PHYH: variants seen among roughly 807,000 people sequenced by gnomAD.
PHYH encodes the protein phytanoyl-CoA 2-hydroxylase.
Under a neutral mutation model 38.5 loss-of-function variants are expected in PHYH, and 32 were observed. The observed-to-expected ratio is 0.83, with a 90% confidence interval of 0.63 to 1.12. The LOEUF is 1.12. PHYH is among the 50% of genes most tolerant of loss of function. PHYH has a pLI of 0.00. For synonymous variants in PHYH, 166 were observed against 157.9 expected, an observed-to-expected ratio of 1.05 and a Z score of -0.38; for missense variants, 426 against 434.8, an observed-to-expected ratio of 0.98 and a Z score of 0.18.
At chr10:13,282,098 A>G (rs1835426040) in intron 7 of PHYH, among the ~76,000 whole-genome samples, 2 of 152,048 alleles carry the variant, frequency 1.3e-5, no homozygotes, top group African/African-American at 4.8e-5. Flanking sequence ...ATGAAAAAAT[A>G]AAATTAGCCA....
chr10:13,295,466 A>G (rs964140486), intron 3 of PHYH, 30 bp downstream of exon 3: 3 of 1,042,880 alleles, frequency 2.9e-6, no homozygotes, highest in Admixed American at 1.7e-5. Context: ...AATACATACT[A>G]TTGTAAAATA....
intron 6 of PHYH, among the ~76,000 whole-genome samples, chr10:13,286,254 G>A (rs758757378): frequency 2.0e-5 from 3 of 151,988 alleles, no homozygotes; most frequent in Non-Finnish European, 2.9e-5. Flanking sequence ...CCTCTAACGC[G>A]TCCTGCACCA....
intron 7 of PHYH, among the ~76,000 whole-genome samples, chr10:13,281,625 C>T (rs550227762): frequency 1.3e-5 from 2 of 152,260 alleles, no homozygotes; most frequent in South Asian, 2.1e-4. Flanking sequence ...AAAGCCAATA[C>T]CAGTGACATA....
chr10:13,285,605 T>TC (rs1170908709), intron 6 of PHYH, among the ~76,000 whole-genome samples: 4 of 131,600 alleles, frequency 3.0e-5, no homozygotes, highest in African/African-American at 1.1e-4. Context: ...TCTTTTCTTT[T>TC]CTTTTTTTTT....
At chr10:13,283,131 A>ATTTTTTTTTTTT (rs398012850) in intron 7 of PHYH, among the ~76,000 whole-genome samples, 6 of 117,898 alleles carry the variant, frequency 5.1e-5, no homozygotes, top group Non-Finnish European at 4.9e-5. Flanking sequence ...TTCATAATCA[A>ATTTTTTTTTTTT]TTTTTTTTTT....
intron 6 of PHYH, among the ~76,000 whole-genome samples, chr10:13,286,973 C>T (rs1835566827): frequency 6.6e-6 from 1 of 152,120 alleles, no homozygotes; most frequent in African/African-American, 2.4e-5. Flanking sequence ...ATTATACATG[C>T]AAAATATGTA....
At chr10:13,294,282 C>A in intron 4 of PHYH, 146 bp downstream of exon 4, 1 of 724,472 alleles carries the variant, frequency 1.4e-6, no homozygotes, top group East Asian at 2.6e-5. Context: ...GCAGTGGTTC[C>A]TGGGATCAAG....
chr10:13,290,455 G>A lies in PHYH; in HGVS notation c.496+1376C>T, dbSNP rs1394970939. 3.3e-5 allele frequency among the ~76,000 whole-genome samples: 5 copies of A among 152,060 alleles called. 1 individual carries two copies. The East Asian group carries it at 9.6e-4, about 29-fold the overall frequency. ...CACCTGCTCTCCTCAAGGAGGGAGA[G>A]ACCTGGTAATGCTAAGCTGCCTTCT... On this transcript the variant is annotated intron_variant, in intron 5 of 8. Transcript: ENST00000263038.
chr10:13,296,757 C>T (rs1217290404), intron 2 of PHYH, among the ~76,000 whole-genome samples: 1 of 138,214 alleles, frequency 7.2e-6, no homozygotes, highest in African/African-American at 2.8e-5. Flanking sequence ...CAGATCGGGA[C>T]CATCCTGGCT....
chr10:13,284,342 AAAAAG>A lies in PHYH; in HGVS notation c.679-508_679-504del, dbSNP rs1193676887. Among the ~76,000 whole-genome samples the A allele has an allele frequency of 3.9e-5, 6 of 152,290 alleles. No homozygotes were observed. In the Middle Eastern group the frequency reaches 0.01, roughly 259 times the overall value. On this transcript the variant is annotated intron_variant, in intron 6 of 8. Coordinates refer to ENST00000263038, the MANE Select transcript of PHYH (RefSeq NM_006214.4). The stretch of plus-strand genomic sequence containing the variant: ...GTCTCGAAAAATAATGGTAATAAAA[AAAAAG>A]AAGTCACATGTTGATATTAAAATCA...
At chr10:13,297,206 AC>A (rs1317190761) in intron 2 of PHYH, among the ~76,000 whole-genome samples, 1 of 150,554 alleles carries the variant, frequency 6.6e-6, no homozygotes, top group East Asian at 1.9e-4. Context: ...CAGATGGGAA[AC>A]AAATTCAATA....
At chr10:13,293,526 T>G (rs549768079) in intron 4 of PHYH, among the ~76,000 whole-genome samples, 3 of 152,232 alleles carry the variant, frequency 2.0e-5, no homozygotes, top group Admixed American at 2.0e-4. Flanking sequence ...GGTCTCAAAC[T>G]TCTGACCTCG....
intron 6 of PHYH, among the ~76,000 whole-genome samples, chr10:13,287,403 T>C (rs1462985700): frequency 1.3e-5 from 2 of 152,150 alleles, no homozygotes; most frequent in African/African-American, 2.4e-5. Flanking sequence ...AAGTTTGAAC[T>C]AAAAAGTTCC....
chr10:13,284,809 C>G (rs949419452), intron 6 of PHYH, among the ~76,000 whole-genome samples: 4 of 152,174 alleles, frequency 2.6e-5, no homozygotes, highest in African/African-American at 9.7e-5. Context: ...GTAAGGGAAG[C>G]AGCCCATTCC....
At chr10:13,289,890 G>A (rs1835659976) in intron 5 of PHYH, among the ~76,000 whole-genome samples, 1 of 141,174 alleles carries the variant, frequency 7.1e-6, no homozygotes, top group African/African-American at 2.7e-5. Context: ...AGTGAGTCAA[G>A]ATCGCACCAC....
chr10:13,288,719 C>T (rs1055098702), intron 5 of PHYH, among the ~76,000 whole-genome samples, 178 bp from the exon 6 acceptor site: 2 of 151,906 alleles, frequency 1.3e-5, no homozygotes, highest in Non-Finnish European at 2.9e-5. Flanking sequence ...TCCGTTTCTA[C>T]AGAAAACAAA....
At chr10:13,292,266 T>C (rs536529947) in intron 4 of PHYH, among the ~76,000 whole-genome samples, 29 of 152,326 alleles carry the variant, frequency 1.9e-4, no homozygotes, top group African/African-American at 6.7e-4. Flanking sequence ...TTGGAGCCTC[T>C]GCATACGAAG....
chr10:13,298,927 AT>A lies in PHYH; in HGVS notation c.76-683del, dbSNP rs1393213451. The stretch of plus-strand genomic sequence containing the variant: ...AGAGCAAGACTCCGTCTCAAAAATA[AT>A]AATAATAATAATAATAATAATAATA... On this transcript the variant is annotated intron_variant, in intron 1 of 8. Transcript: ENST00000263038. Among the ~76,000 whole-genome samples the A allele has an allele frequency of 3.8e-3, 59 of 15,686 alleles. 1 individual carries two copies. Among genetic ancestry groups the A allele is most frequent in the African/African-American group, 7.8e-3 (52 of 6,644 alleles). 10.3% of individuals were successfully genotyped at this position (15,686 alleles called of 152,430 possible).
At chr10:13,281,374 G>A (rs775529116) in intron 7 of PHYH, among the ~76,000 whole-genome samples, 6 of 151,234 alleles carry the variant, frequency 4.0e-5, no homozygotes, top group Non-Finnish European at 7.4e-5. Context: ...AGAGGGAATG[G>A]AATTATGTCA....
Sources: gnomAD v4.1 joint callset for allele counts (sites outside exome capture counted in the v4.1 genomes callset) on GRCh38, gnomAD v4.1.1 for gene constraint, MANE v1.5 for transcripts, NCBI Gene and HGNC (gene_info 2026-07-23, HGNC 2026-07-21) for gene names.